Variants in SLC36A1 observed in about 807,000 individuals in gnomAD.
The protein encoded by SLC36A1 is solute carrier family 36 member 1, also known as proton-coupled amino acid transporter 1.
SLC36A1 carries 30 observed loss-of-function variants against 47.5 expected under a neutral mutation model. The ratio of observed to expected loss-of-function variants is 0.63; its 90% CI spans 0.47 to 0.86. SLC36A1 has a LOEUF of 0.86. Among genes scored for constraint, SLC36A1 ranks in the 40% least tolerant of loss-of-function variants. The pLI is 0.00. For missense variants in SLC36A1, 517 were observed against 606.0 expected, an observed-to-expected ratio of 0.85 and a Z score of 1.54; for synonymous variants, 255 against 249.7, an observed-to-expected ratio of 1.02 and a Z score of -0.20.
chr5:151,469,144 T>C, intron 7 of SLC36A1: 1 of 607,804 alleles, frequency 1.6e-6, no homozygotes, highest in Non-Finnish European at 3.0e-6. Flanking sequence ...CAGTACATAT[T>C]CATTAAAATG....
the SLC36A1 span, among the ~76,000 whole-genome samples, chr5:151,428,910 G>A: frequency 7.4e-4 from 113 of 152,360 alleles, no homozygotes; most frequent in African/African-American, 2.5e-3. Flanking sequence ...TGGGATTATA[G>A]GCGTGAGCCA....
the SLC36A1 span, among the ~76,000 whole-genome samples, chr5:151,548,128 C>T: frequency 9.6e-3 from 1,466 of 152,146 alleles, 21 homozygotes; most frequent in African/African-American, 0.034. Flanking sequence ...TATATGGCAA[C>T]TGTTTCTTCC....
At chr5:151,385,872 CTTTTT>C in the SLC36A1 span, among the ~76,000 whole-genome samples, 163 of 132,722 alleles carry the variant, frequency 1.2e-3, no homozygotes, top group African/African-American at 3.9e-3. Context: ...CCTTCTGTAT[CTTTTT>C]TTTTTTTTTT....
At chr5:151,494,728 A>G (rs1395021249), downstream of SLC36A1, among the ~76,000 whole-genome samples, 1 of 152,150 alleles carries the variant, frequency 6.6e-6, no homozygotes, top group East Asian at 1.9e-4. Context: ...GTTGCTTCAA[A>G]TTTTTAGTTA....
the SLC36A1 span, among the ~76,000 whole-genome samples, chr5:151,371,734 GT>G: frequency 3.3e-5 from 5 of 152,188 alleles, no homozygotes; most frequent in African/African-American, 4.8e-5. Flanking sequence ...TTAGTTTTTA[GT>G]TTTTTAAAAA....
intron 2 of SLC36A1, chr5:151,459,775 C>A (rs536100982): frequency 6.6e-6 from 1 of 152,110 alleles, no homozygotes; most frequent in East Asian, 1.9e-4. Flanking sequence ...ATGTCCTAGA[C>A]TTATGCCATT....
chr5:151,508,480 C>G, the SLC36A1 span, among the ~76,000 whole-genome samples: 2 of 152,140 alleles, frequency 1.3e-5, no homozygotes, highest in African/African-American at 2.4e-5. Context: ...GCAGCCGAGT[C>G]AGCGGGATCA....
the SLC36A1 span, chr5:151,507,233 G>A: frequency 1.2e-6 from 2 of 1,613,764 alleles, no homozygotes. Context: ...GCGGGAGTCT[G>A]GGGGGCACAC....
chr5:151,441,520 T>A (rs1376615534), intron 1 of SLC36A1, among the ~76,000 whole-genome samples: 1 of 152,076 alleles, frequency 6.6e-6, no homozygotes, highest in African/African-American at 2.4e-5. Flanking sequence ...AGCAAAACAA[T>A]AAGTACTGGT....
chr5:151,487,971 C>T lies in SLC36A1; in HGVS notation c.1160-12C>T. ...TGGGCATCTTAAACAGGCATGTCCT[C>T]TCTCCCTGCAGGCATCTTGGCCATC... is the stretch of plus-strand genomic sequence containing the variant. On this transcript the variant is annotated splice_polypyrimidine_tract_variant and intron_variant, in intron 10 of 10. Transcript: ENST00000243389. 4 of 1,613,728 alleles carry T rather than the reference C, an allele frequency of 2.5e-6. No homozygotes were observed. Among genetic ancestry groups the T allele is most frequent in the Non-Finnish European group, 3.4e-6 (4 of 1,179,900 alleles).
At chr5:151,422,928 T>C in the SLC36A1 span, among the ~76,000 whole-genome samples, 1 of 151,744 alleles carries the variant, frequency 6.6e-6, no homozygotes, top group South Asian at 2.1e-4. Flanking sequence ...GGCAACAGAG[T>C]GAGACCCTGT....
chr5:151,355,555 C>CA, the SLC36A1 span, among the ~76,000 whole-genome samples: 1 of 151,964 alleles, frequency 6.6e-6, no homozygotes, highest in Non-Finnish European at 1.5e-5. Flanking sequence ...TCTGTAATAG[C>CA]AAAAAATGGA....
upstream of SLC36A1, among the ~76,000 whole-genome samples, chr5:151,436,137 A>G (rs1759764596): frequency 6.6e-6 from 1 of 152,206 alleles, no homozygotes; most frequent in Admixed American, 6.5e-5. Context: ...TTTATATACA[A>G]TAAAATGCAC....
the SLC36A1 span, among the ~76,000 whole-genome samples, chr5:151,530,250 A>G: frequency 7.1e-6 from 1 of 141,024 alleles, no homozygotes; most frequent in African/African-American, 2.5e-5. Flanking sequence ...TCTTAACACC[A>G]GAAAAAAAAA....
At chr5:151,428,646 T>G in the SLC36A1 span, among the ~76,000 whole-genome samples, 1 of 152,182 alleles carries the variant, frequency 6.6e-6, no homozygotes, top group Non-Finnish European at 1.5e-5. Context: ...CTGACTTTTT[T>G]TTTTTAGACC....
intron 1 of SLC36A1, among the ~76,000 whole-genome samples, chr5:151,452,136 G>A (rs1379693737): frequency 6.6e-6 from 1 of 152,226 alleles, no homozygotes; most frequent in Non-Finnish European, 1.5e-5. Context: ...AGAACCTGCT[G>A]AGGTCAGCAG....
At chr5:151,408,367 T>G in the SLC36A1 span, among the ~76,000 whole-genome samples, 3 of 152,132 alleles carry the variant, frequency 2.0e-5, no homozygotes, top group Non-Finnish European at 4.4e-5. Flanking sequence ...TTTTGTATTT[T>G]TAATAGTGAC....
In SLC36A1 at chr5:151,458,341, T is replaced by TATA. The variant is rs1561738201; in HGVS notation, c.-5-447_-5-446insATA. On this transcript the variant is annotated intron_variant, in intron 1 of 10. Transcript: ENST00000243389. ...ATATATATATATATATATGGGATAT[T>TATA]TATATATATATATATACACACACGA... is the stretch of plus-strand genomic sequence containing the variant. 2.6e-3 allele frequency among the ~76,000 whole-genome samples: 279 copies of TATA among 108,478 alleles called. 5 individuals carry two copies. The highest frequency in any genetic ancestry group is 8.4e-3 in the African/African-American group (264 of 31,590). The allele number at this position is 108,478 out of a possible 152,430, so 71.2% of individuals were successfully genotyped here. A position where few individuals can be genotyped will look rare whatever the true frequency, so the allele number is the denominator to read the frequency against.
chr5:151,449,611 G>A (rs1046533263), intron 1 of SLC36A1, among the ~76,000 whole-genome samples: 10 of 152,168 alleles, frequency 6.6e-5, no homozygotes, highest in African/African-American at 2.4e-4. Context: ...TAAGAAAAAG[G>A]GATTCCATTT....
Sources: gnomAD v4.1 joint callset for allele counts (sites outside exome capture counted in the v4.1 genomes callset) on GRCh38, gnomAD v4.1.1 for gene constraint, MANE v1.5 for transcripts, NCBI Gene and HGNC (gene_info 2026-07-23, HGNC 2026-07-21) for gene names.